CPA5: variants seen among roughly 807,000 people sequenced by gnomAD.
CPA5 encodes the protein testicular tissue protein Li 32.
Under a neutral mutation model 52.2 loss-of-function variants are expected in CPA5, and 38 were observed. The ratio of observed to expected loss-of-function variants is 0.73; its 90% CI spans 0.56 to 0.95. The LOEUF (loss-of-function observed/expected upper bound fraction) is 0.95. Ranked by LOEUF, CPA5 falls within the 40% of genes least tolerant of loss-of-function variation. CPA5 has a pLI of 0.00. For missense variants in CPA5, 519 were observed against 566.7 expected (o/e 0.92, Z 0.86); for synonymous variants, 198 against 213.7 (o/e 0.93, Z 0.64).
chr7:130,364,507 T>TA (rs1554407664), intron 10 of CPA5, among the ~76,000 whole-genome samples: 1 of 152,204 alleles, frequency 6.6e-6, no homozygotes, highest in Non-Finnish European at 1.5e-5. Flanking sequence ...TTTGTATTTT[T>TA]AAAAAATTTT....
At chr7:130,355,598 G>T (rs1418361668) in intron 5 of CPA5, among the ~76,000 whole-genome samples, 1 of 152,174 alleles carries the variant, frequency 6.6e-6, no homozygotes, top group Non-Finnish European at 1.5e-5. Context: ...GTAGAGACAG[G>T]GTTTTGCCAT....
In CPA5 at chr7:130,353,211, T is replaced by C. The variant is rs182910289; in HGVS notation, c.333+3102T>C. 4.7e-3 allele frequency among the ~76,000 whole-genome samples: 577 copies of C among 123,480 alleles called. 3 individuals carry two copies. The highest frequency in any genetic ancestry group is 0.013 in the Middle Eastern group (3 of 238). The allele number at this position is 123,480 out of a possible 152,430, so 81.0% of individuals were successfully genotyped here. ...CATAGACTGAAACTCCTGAAAATAC[T>C]GACTCTCCCTGTCATCTCCATCCCT... On this transcript the variant is annotated intron_variant, in intron 5 of 12. Coordinates refer to ENST00000474905, the MANE Select transcript of CPA5 (RefSeq NM_080385.5).
chr7:130,365,209 C>T (rs970058747), intron 10 of CPA5, among the ~76,000 whole-genome samples: 1 of 152,176 alleles, frequency 6.6e-6, no homozygotes, highest in African/African-American at 2.4e-5. Context: ...TGTAATGGAA[C>T]AAGACCATGC....
intron 10 of CPA5, 57 bp downstream of exon 10, chr7:130,363,566 G>A (rs552410874): frequency 1.4e-6 from 2 of 1,398,034 alleles, no homozygotes; most frequent in African/African-American, 2.8e-5. Flanking sequence ...GCCCATGGCA[G>A]GTTCTCCCAC....
chr7:130,363,657 G>C, intron 10 of CPA5, 148 bp downstream of exon 10: 2 of 687,988 alleles, frequency 2.9e-6, no homozygotes, highest in Non-Finnish European at 5.2e-6. Flanking sequence ...GCCAGGGACA[G>C]GCAAGCACAT....
At position 130,368,540 on chromosome 7, in the gene CPA5, G is replaced by C; in HGVS notation, c.1254G>C (p.Gln418His). ...CCACACAGATCATCCCCACGGCCCAGGAGACGTGGATGGCGCTTCGGACCA... is the reference window on the plus strand; with the variant it reads ...CCACACAGATCATCCCCACGGCCCACGAGACGTGGATGGCGCTTCGGACCA... ...LPATQIIPTA[Q>H]ETWMALRTIM... is the part of the protein sequence containing the mutation. The change falls in exon 13 of 13, where the codon CAG becomes CAC. Residue 418 changes from glutamine (Q) to histidine (H), a missense_variant. By Grantham distance (24) the Gln-to-His change is conservative. Coordinates refer to ENST00000474905, the MANE Select transcript of CPA5 (RefSeq NM_080385.5). 1.2e-6 allele frequency: 2 copies of C among 1,614,084 alleles called. No homozygotes were observed. The highest frequency in any genetic ancestry group is 1.7e-6 in the Non-Finnish European group (2 of 1,180,008).
In CPA5 at chr7:130,352,438, G is replaced by T. The variant is rs540304369; in HGVS notation, c.333+2329G>T. On this transcript the variant is annotated intron_variant, in intron 5 of 12. Transcript: ENST00000474905. ...GAGTGAGGGCGGTTGCTATGGGAGC[G>T]CATACAAGAGGCACTGCACGCCGTG... Among the ~76,000 whole-genome samples, 32 of 152,060 alleles carry T rather than the reference G, an allele frequency of 2.1e-4. 1 individual carries two copies. The highest frequency in any genetic ancestry group is 7.5e-4 in the African/African-American group (31 of 41,464).
At chr7:130,364,681 T>C (rs1184521852) in intron 10 of CPA5, among the ~76,000 whole-genome samples, 1 of 152,234 alleles carries the variant, frequency 6.6e-6, no homozygotes, top group African/African-American at 2.4e-5. Flanking sequence ...GCCTGATTTT[T>C]ATTTTTGACC....
chr7:130,373,726 G>A (rs1240994436), downstream of CPA5, among the ~76,000 whole-genome samples: 1 of 152,264 alleles, frequency 6.6e-6, no homozygotes, highest in African/African-American at 2.4e-5. Flanking sequence ...GAAGGCCCAG[G>A]CAGCCGGTCA....
chr7:130,368,854 C>T (rs939565601), downstream of CPA5: 5 of 480,928 alleles, frequency 1.0e-5, no homozygotes, highest in East Asian at 3.7e-5. Context: ...CTCCAGTCTA[C>T]CTTCAGGAAA....
chr7:130,357,993 T>TGTGTGTG (rs1584812617), intron 5 of CPA5, among the ~76,000 whole-genome samples: 1 of 147,280 alleles, frequency 6.8e-6, no homozygotes, highest in South Asian at 2.2e-4. Flanking sequence ...TGTGTGTGTG[T>TGTGTGTG]TTAGAAATAG....
intron 5 of CPA5, among the ~76,000 whole-genome samples, chr7:130,355,553 C>T (rs563647198): frequency 8.5e-5 from 13 of 152,124 alleles, no homozygotes; most frequent in South Asian, 2.1e-4. Context: ...CTTACAGGCG[C>T]GCGCCACCAC....
At position 130,356,329 on chromosome 7, in the gene CPA5, T is replaced by C. The variant is rs370890246; in HGVS notation, c.334-3260T>C. Among the ~76,000 whole-genome samples the C allele has an allele frequency of 2.6e-5, 4 of 152,352 alleles. No homozygotes were observed. In the East Asian group the frequency reaches 5.8e-4, roughly 22 times the overall value. On this transcript the variant is annotated intron_variant, in intron 5 of 12. Transcript: ENST00000474905. ...AAATTAATTCACACTGAGGTATTAC[T>C]TTCCCTGTCAGGTTATGGCTTCCAG...
intron 12 of CPA5, 109 bp downstream of exon 12, chr7:130,368,099 G>A (rs1174735697): frequency 3.0e-6 from 3 of 1,015,388 alleles, no homozygotes; most frequent in South Asian, 2.7e-5. Context: ...CTCCCACACT[G>A]GATAGAAGGG....
At chr7:130,357,494 A>G (rs1795544355) in intron 5 of CPA5, among the ~76,000 whole-genome samples, 1 of 152,074 alleles carries the variant, frequency 6.6e-6, no homozygotes, top group African/African-American at 2.4e-5. Context: ...GTGGTGGTGC[A>G]TACCTGTAAT....
chr7:130,353,727 C>T (rs549816071), intron 5 of CPA5, among the ~76,000 whole-genome samples: 2 of 152,292 alleles, frequency 1.3e-5, no homozygotes, highest in East Asian at 3.9e-4. Context: ...CGTCCCTCAC[C>T]TGGGTTCTTC....
intron 10 of CPA5, among the ~76,000 whole-genome samples, chr7:130,365,227 G>A (rs1796013140): frequency 6.6e-6 from 1 of 152,178 alleles, no homozygotes; most frequent in Admixed American, 6.5e-5. Context: ...TGCAAAATTA[G>A]GCATTTCCAC....
chr7:130,346,443 G>T lies in CPA5; in HGVS notation c.-43G>T. The T allele has an allele frequency of 6.9e-7, 1 of 1,455,648 alleles. No individual in the cohort carries two copies. The allele number at this position is 1,455,648 out of a possible 1,614,324, so 90.2% of individuals were successfully genotyped here. On this transcript the variant is annotated 5_prime_UTR_variant, in exon 3 of 13. It removes an upstream start codon present in the reference 5' UTR. Transcript: ENST00000474905. Reference sequence around the variant, plus strand: ...TGTGCTGTCCTGAGGCCTGGGCCATGGTGCCCAAGGAAAGCCCCTGAAGCT... The same window carrying T: ...TGTGCTGTCCTGAGGCCTGGGCCATTGTGCCCAAGGAAAGCCCCTGAAGCT...
chr7:130,367,301 G>T, intron 10 of CPA5, 71 bp from the exon 11 acceptor site: 3 of 1,341,102 alleles, frequency 2.2e-6, no homozygotes, highest in Non-Finnish European at 3.2e-6. Context: ...GGAACACACA[G>T]GTATTTTGTG....
Sources: gnomAD v4.1 joint callset for allele counts (sites outside exome capture counted in the v4.1 genomes callset) on GRCh38, gnomAD v4.1.1 for gene constraint, MANE v1.5 for transcripts, NCBI Gene and HGNC (gene_info 2026-07-23, HGNC 2026-07-21) for gene names.